Variants in AP2A1 observed in about 807,000 individuals in gnomAD.
AP2A1 encodes AP-2 complex subunit alpha-1.
AP2A1 carries 21 observed loss-of-function variants against 107.3 expected under a neutral mutation model. The observed-to-expected ratio is 0.20, with a 90% CI of 0.14 to 0.28. AP2A1 has a LOEUF of 0.28. Among genes scored for constraint, AP2A1 ranks in the 10% least tolerant of loss-of-function variants. AP2A1 has a pLI of 1.00. For missense variants in AP2A1, 873 were observed against 1,307.7 expected (o/e 0.67, Z 5.13); for synonymous variants, 602 against 564.8 (o/e 1.07, Z -0.93).
chr19:49,796,685 T>A (rs1043079289), intron 7 of AP2A1: 10 of 152,418 alleles, frequency 6.6e-5, no homozygotes, highest in South Asian at 2.1e-4. Context: ...TCATTGTGTG[T>A]GCATCTGTAT....
intron 18 of AP2A1, chr19:49,803,745 T>G: frequency 2.9e-6 from 1 of 340,128 alleles, no homozygotes; most frequent in South Asian, 2.6e-5. Context: ...AGGCCTGATC[T>G]GGGCTGAGTC....
At chr19:49,800,869 A>G in intron 11 of AP2A1, 92 bp from the exon 12 acceptor site, 1 of 1,039,060 alleles carries the variant, frequency 9.6e-7, no homozygotes, top group Non-Finnish European at 1.4e-6. Flanking sequence ...CAGAGCTTTC[A>G]GTGTTCCACC....
intron 3 of AP2A1, 111 bp from the exon 4 acceptor site, chr19:49,782,420 G>A: frequency 8.1e-7 from 1 of 1,232,424 alleles, no homozygotes; most frequent in South Asian, 1.5e-5. Context: ...TGGGGGCCTG[G>A]ACTCCTGGGT....
chr19:49,806,069 T>C (rs1441770705), intron 21 of AP2A1, 50 bp from the exon 22 acceptor site: 10 of 1,597,602 alleles, frequency 6.3e-6, no homozygotes, highest in Non-Finnish European at 8.5e-6. Context: ...TGCCACTGTG[T>C]GGTAACTAAC....
At chr19:49,803,071 G>C (rs760166006) in intron 16 of AP2A1, 36 bp from the exon 17 acceptor site, 1 of 1,613,710 alleles carries the variant, frequency 6.2e-7, no homozygotes, top group Non-Finnish European at 8.5e-7. Flanking sequence ...GGTGCAGACA[G>C]GCACCCCCGT....
At chr19:49,783,524 C>T (rs1334132346) in intron 4 of AP2A1, among the ~76,000 whole-genome samples, 1 of 152,154 alleles carries the variant, frequency 6.6e-6, no homozygotes, top group Non-Finnish European at 1.5e-5. Flanking sequence ...ATACCCGACT[C>T]ATGTTCTCCC....
rs1246860715 is a variant in AP2A1, at chr19:49,795,672, T to G, written c.748T>G (p.Tyr250Asp). The G allele has an allele frequency of 7.2e-7, 1 of 1,391,200 alleles. No homozygotes were observed. Among genetic ancestry groups the G allele is most frequent in the Non-Finnish European group, 9.6e-7 (1 of 1,045,998 alleles). The allele number at this position is 1,391,200 out of a possible 1,614,324, so 86.2% of individuals were successfully genotyped here. A position where few individuals can be genotyped will look rare whatever the true frequency, so the allele number is the denominator to read the frequency against. The change falls in exon 7 of 23, where the codon TAC becomes GAC. Residue 250 changes from tyrosine to aspartate, a missense_variant. Transcript: ENST00000354293. ...CACCGACCTCCAGGACTACACCTAC[T>G]ACTTCGTCCCAGCACCCTGGCTCTC... ...ASTDLQDYTY[Y>D]FVPAPWLSVK... is the part of the protein sequence containing the mutation.
At position 49,806,219 on chromosome 19, in the gene AP2A1, G is replaced by C. The variant is rs2073378965; in HGVS notation, c.2756G>C (p.Cys919Ser). 2 of 1,607,332 alleles carry C rather than the reference G, an allele frequency of 1.2e-6. No individual in the cohort carries two copies. Among genetic ancestry groups the C allele is most frequent in the Non-Finnish European group, 8.5e-7 (1 of 1,177,344 alleles). Residue 919 changes from cysteine (C) to serine (S), a missense_variant, in exon 22 of 23, where the codon TGT becomes TCT. Cys to Ser is a moderately radical substitution (Grantham distance 112). This residue lies in a region of AP2A1 where 416 missense variants were observed against 473.4 expected (regional missense o/e 0.88). Coordinates refer to ENST00000354293, the MANE Select transcript of AP2A1 (RefSeq NM_130787.3). ...IIQTKALQVGCLLRLEPNAQA... is the reference protein window; with the variant it reads ...IIQTKALQVGSLLRLEPNAQA... Reference sequence around the variant, plus strand: ...CAGACTAAAGCCCTGCAGGTGGGCTGTCTGCTTCGGCTGGAGCCCAATGCC... The same window carrying C: ...CAGACTAAAGCCCTGCAGGTGGGCTCTCTGCTTCGGCTGGAGCCCAATGCC...
At chr19:49,800,250 C>T in intron 11 of AP2A1, 100 bp downstream of exon 11, 1 of 1,378,236 alleles carries the variant, frequency 7.3e-7, no homozygotes, top group Non-Finnish European at 9.9e-7. Context: ...CAGCCACCCT[C>T]CTTCTCCTGC....
At chr19:49,782,828 C>A in intron 4 of AP2A1, 104 bp downstream of exon 4, 4 of 1,325,070 alleles carry the variant, frequency 3.0e-6, no homozygotes, top group Non-Finnish European at 4.1e-6. Context: ...GGTCTCCCAG[C>A]CGAGATGTGG....
At chr19:49,803,795 G>T in intron 18 of AP2A1, 1 of 268,720 alleles carries the variant, frequency 3.7e-6, no homozygotes, top group South Asian at 4.1e-5. Context: ...GCTGTGAAGT[G>T]TATGTAGACC....
rs564320177 is a variant in AP2A1, at chr19:49,788,638, A to G, written c.474-3297A>G. On this transcript the variant is annotated intron_variant, in intron 4 of 22. Coordinates refer to ENST00000354293, the MANE Select transcript of AP2A1 (RefSeq NM_130787.3). This position sits in a 1 kb window ranked among gnomAD's most constrained non-coding sequence, Gnocchi z 4.5. ...CCCAGAGTCAGGGCTCGGGAGATGC[A>G]CTGTGGCTCGGGAGATGAGCGCCAT... 3.1e-5 allele frequency among the ~76,000 whole-genome samples: 4 copies of G among 128,802 alleles called. No homozygotes were observed. Among genetic ancestry groups the G allele is most frequent in the Non-Finnish European group, 3.3e-5 (2 of 61,064 alleles). 84.5% of individuals were successfully genotyped at this position (128,802 alleles called of 152,430 possible). A position where few individuals can be genotyped will look rare whatever the true frequency, so the allele number is the denominator to read the frequency against.
In AP2A1 at chr19:49,799,631, G is replaced by A. The variant is rs373788390; in HGVS notation, c.1137G>A (p.Thr379=). ...HIDTVINALK[T]ERDVSVRQRA... ...TGGGCTCTGCTCTCCGCCCTCAGACGGAGCGGGACGTCAGCGTGCGGCAGC... is the reference window on the plus strand; with the variant it reads ...TGGGCTCTGCTCTCCGCCCTCAGACAGAGCGGGACGTCAGCGTGCGGCAGC... Residue 379 remains threonine (T), a splice_region_variant and synonymous_variant, in exon 10 of 23, where the codon ACG becomes ACA. Coordinates refer to ENST00000354293, the MANE Select transcript of AP2A1 (RefSeq NM_130787.3). The A allele has an allele frequency of 8.1e-6, 13 of 1,609,526 alleles. No individual in the cohort carries two copies. Among genetic ancestry groups the A allele is most frequent in the Non-Finnish European group, 1.0e-5 (12 of 1,179,694 alleles).
intron 7 of AP2A1, 99 bp from the exon 8 acceptor site, chr19:49,798,700 GCTC>G: frequency 6.9e-7 from 1 of 1,454,154 alleles, no homozygotes; most frequent in Non-Finnish European, 9.2e-7. Context: ...GGCACCCCGA[GCTC>G]CTCCTTTGGA....
At chr19:49,803,459 C>T (rs2073318998) in intron 18 of AP2A1, 83 bp downstream of exon 18, 1 of 1,095,020 alleles carries the variant, frequency 9.1e-7, no homozygotes. Flanking sequence ...CCCAGGTCCA[C>T]ACTTCTCTTC....
In AP2A1 at chr19:49,806,672, C is replaced by G; in HGVS notation, c.2791-9C>G. ...TCCTCTGAGTTCTGCCCCCAATGCC[C>G]CCACCCAGATGTACCGGCTGACCCT... On this transcript the variant is annotated splice_polypyrimidine_tract_variant and intron_variant, in intron 22 of 22. Coordinates refer to ENST00000354293, the MANE Select transcript of AP2A1 (RefSeq NM_130787.3). 6.2e-7 allele frequency: 1 copy of G among 1,612,516 alleles called. No individual in the cohort carries two copies. The highest frequency in any genetic ancestry group is 8.5e-7 in the Non-Finnish European group (1 of 1,179,758).
At chr19:49,773,267 A>G (rs1378935341) in intron 1 of AP2A1, among the ~76,000 whole-genome samples, 2 of 152,314 alleles carry the variant, frequency 1.3e-5, no homozygotes, top group East Asian at 1.9e-4. Context: ...GCTGCCTCCT[A>G]TCTAGGCAGA....
In AP2A1 at chr19:49,781,987, G is replaced by A. The variant is rs767399706; in HGVS notation, c.177G>A (p.Val59=). The A allele has an allele frequency of 2.5e-6, 4 of 1,611,524 alleles. 1 individual carries two copies. Among genetic ancestry groups the A allele is most frequent in the South Asian group, 2.2e-5 (2 of 90,556 alleles). ...ATGGCTACAGTAAGAAAAAATATGTGTGTAAACTGCTTTTCATCTTCCTGC... is the reference window on the plus strand; with the variant it reads ...ATGGCTACAGTAAGAAAAAATATGTATGTAAACTGCTTTTCATCTTCCTGC... ...ALDGYSKKKY[V]CKLLFIFLLG... The change falls in exon 3 of 23, where the codon GTG becomes GTA. Residue 59 remains valine, a synonymous_variant. Coordinates refer to ENST00000354293, the MANE Select transcript of AP2A1 (RefSeq NM_130787.3).
Position 49,806,960 on chromosome 19 carries a change from C to G in AP2A1, c.*202C>G. The G allele has an allele frequency of 2.0e-6, 3 of 1,533,080 alleles. No homozygotes were observed. Among genetic ancestry groups the G allele is most frequent in the Non-Finnish European group, 2.6e-6 (3 of 1,146,374 alleles). The allele number at this position is 1,533,080 out of a possible 1,614,324, so 95.0% of individuals were successfully genotyped here. A position where few individuals can be genotyped will look rare whatever the true frequency, so the allele number is the denominator to read the frequency against. Reference sequence around the variant, plus strand: ...ATTCTGGGGGGTTAGGGGGAGTCCCCCTCCCTCCCTTTCCCCCCCAAGCAC... The same window carrying G: ...ATTCTGGGGGGTTAGGGGGAGTCCCGCTCCCTCCCTTTCCCCCCCAAGCAC... On this transcript the variant is annotated 3_prime_UTR_variant, in exon 23 of 23. Transcript: ENST00000354293.
Sources: gnomAD v4.1 joint callset for allele counts (sites outside exome capture counted in the v4.1 genomes callset) on GRCh38, gnomAD v4.1.1 for gene constraint, gnomAD v4.1.1 regional missense constraint, Gnocchi (gnomAD v3.1) non-coding constraint, MANE v1.5 for transcripts, NCBI Gene and HGNC (gene_info 2026-07-23, HGNC 2026-07-21) for gene names.